ETV4: variants seen among roughly 807,000 people sequenced by gnomAD.
The protein encoded by ETV4 is ETS variant transcription factor 4, also known as ETS translocation variant 4.
ETV4 carries 42 observed loss-of-function variants against 65.9 expected under a neutral mutation model. That is an observed-to-expected ratio of 0.64 (90% CI 0.50 to 0.82). The LOEUF (loss-of-function observed/expected upper bound fraction) is 0.82. Among genes scored for constraint, ETV4 ranks in the 40% least tolerant of loss-of-function variants. The pLI, the probability that ETV4 is intolerant of heterozygous loss-of-function variation, is 0.00. For synonymous variants in ETV4, 238 were observed against 260.0 expected (o/e 0.92, Z 0.81); for missense variants, 583 against 630.3 (o/e 0.92, Z 0.80).
intron 4 of ETV4, among the ~76,000 whole-genome samples, chr17:43,541,013 T>C (rs1246816843): frequency 6.6e-6 from 1 of 152,106 alleles, no homozygotes; most frequent in Non-Finnish European, 1.5e-5. Context: ...ACCCTCAGCA[T>C]CATCTTGCCT....
chr17:43,529,547 C>G lies in ETV4; in HGVS notation c.1085G>C (p.Trp362Ser). ...DDPTNAHFIA[W>S]TGRGMEFKLI... The stretch of plus-strand genomic sequence containing the variant: ...CTTGAACTCCATTCCCCGGCCCGTC[C>G]AGGCAATGAAATGGGCATTTGTTGG... Residue 362 changes from tryptophan (W) to serine (S), a missense_variant, in exon 11 of 13, where the codon TGG becomes TCG. Coordinates refer to ENST00000319349, the MANE Select transcript of ETV4 (RefSeq NM_001079675.5). 6.2e-7 allele frequency: 1 copy of G among 1,614,016 alleles called. No homozygotes were observed. The highest frequency in any genetic ancestry group is 8.5e-7 in the Non-Finnish European group (1 of 1,179,992).
At chr17:43,533,710 C>G (rs755273382) in intron 6 of ETV4, 149 bp downstream of exon 6, 2 of 1,020,496 alleles carry the variant, frequency 2.0e-6, no homozygotes, top group Non-Finnish European at 2.8e-6. Context: ...AGAGGAAATC[C>G]TTAGCTGTAT....
chr17:43,530,396 G>C, intron 8 of ETV4: 1 of 1,431,426 alleles, frequency 7.0e-7, no homozygotes, highest in Non-Finnish European at 9.1e-7. Flanking sequence ...TGAGGGCTGC[G>C]GCTGAGGCCA....
chr17:43,529,862 C>A (rs1393545390), intron 10 of ETV4, 22 bp downstream of exon 10: 1 of 1,613,500 alleles, frequency 6.2e-7, no homozygotes, highest in Non-Finnish European at 8.5e-7. Flanking sequence ...TTGACCCTCC[C>A]ATCAACAGTC....
chr17:43,530,941 CCATT>C (rs1027523745), intron 8 of ETV4, among the ~76,000 whole-genome samples: 36 of 152,228 alleles, frequency 2.4e-4, no homozygotes, highest in African/African-American at 7.7e-4. Flanking sequence ...ATTCCTGACT[CCATT>C]CAGGAGTAGC....
Position 43,528,287 on chromosome 17 carries a change from A to T in ETV4, c.*232T>A. 2.2e-6 allele frequency: 1 copy of T among 453,278 alleles called. No individual in the cohort carries two copies. The highest frequency in any genetic ancestry group is 3.9e-6 in the Non-Finnish European group (1 of 255,888). 28.1% of individuals were successfully genotyped at this position (453,278 alleles called of 1,614,324 possible). A position where few individuals can be genotyped will look rare whatever the true frequency, so the allele number is the denominator to read the frequency against. ...GCTGAGCTGAATTCCTCCAGGGCCCAGGTGAAACCCCCAGGGGAGTTTCTG... is the reference window on the plus strand; with the variant it reads ...GCTGAGCTGAATTCCTCCAGGGCCCTGGTGAAACCCCCAGGGGAGTTTCTG... On this transcript the variant is annotated 3_prime_UTR_variant, in exon 13 of 13. Coordinates refer to ENST00000319349, the MANE Select transcript of ETV4 (RefSeq NM_001079675.5).
chr17:43,542,887 G>A (rs1450861464), intron 4 of ETV4, among the ~76,000 whole-genome samples: 1 of 152,096 alleles, frequency 6.6e-6, no homozygotes, highest in Non-Finnish European at 1.5e-5. Flanking sequence ...TCCTCCTAAT[G>A]CGTCCCACCA....
At position 43,545,614 on chromosome 17, in the gene ETV4, C is replaced by T. The variant is rs1237593688; in HGVS notation, c.4G>A (p.Glu2Lys). The stretch of plus-strand genomic sequence containing the variant: ...AAGTATCCGGCTTTCATCCTCCGCT[C>T]CATCCGGCCGCTCCCTCCGGCCGCA... The part of the protein sequence containing the change: M[E>K]RRMKAGYLDQ... The change falls in exon 2 of 13, where the codon GAG becomes AAG. Residue 2 changes from glutamate to lysine, a missense_variant. Transcript: ENST00000319349. 1.3e-6 allele frequency: 2 copies of T among 1,550,916 alleles called. No individual in the cohort carries two copies. The highest frequency in any genetic ancestry group is 1.7e-6 in the Non-Finnish European group (2 of 1,146,974).
rs1369879565 is a variant in ETV4, at chr17:43,528,633, AG to A, written c.1340del (p.Pro447LeufsTer58). 6.2e-7 allele frequency: 1 copy of A among 1,614,184 alleles called. No individual in the cohort carries two copies. On this transcript the variant is annotated frameshift_variant, in exon 13 of 13. Coordinates refer to ENST00000319349, the MANE Select transcript of ETV4 (RefSeq NM_001079675.5). LOFTEE classifies it high-confidence loss of function. ...AAGGGACTGTGTCCTCCTCACTGAC[AG>A]GCCGGTCAAACTCAGCCTTGAGAGC... is the stretch of plus-strand genomic sequence containing the variant. ...RPALKAEFDR[P>X]VSEEDTVPLS...
chr17:43,533,037 G>C, intron 7 of ETV4, 98 bp from the exon 8 acceptor site: 9 of 1,496,502 alleles, frequency 6.0e-6, no homozygotes, highest in Non-Finnish European at 8.1e-6. Flanking sequence ...CTCCGGAATG[G>C]GGGGTAGGGG....
Position 43,540,039 on chromosome 17 carries a change from C to G in ETV4, c.203-3560G>C, listed in dbSNP as rs114309292. On this transcript the variant is annotated intron_variant, in intron 4 of 12. Coordinates refer to ENST00000319349, the MANE Select transcript of ETV4 (RefSeq NM_001079675.5). ...CAAAGACATCAATGAGACATGAAAT[C>G]CGCTGGCAAGAACAAACAGAAACAC... Among the ~76,000 whole-genome samples the G allele has an allele frequency of 1.7e-3, 257 of 152,282 alleles. 2 individuals carry two copies. The highest frequency in any genetic ancestry group is 5.9e-3 in the African/African-American group (246 of 41,554).
intron 5 of ETV4, among the ~76,000 whole-genome samples, chr17:43,536,020 A>G (rs1214770119): frequency 6.6e-6 from 1 of 152,216 alleles, no homozygotes; most frequent in Non-Finnish European, 1.5e-5. Flanking sequence ...CTGAGGCAGG[A>G]GAATGGCTTA....
At chr17:43,529,403 G>T in intron 11 of ETV4, 101 bp downstream of exon 11, 1 of 1,465,586 alleles carries the variant, frequency 6.8e-7, no homozygotes, top group Non-Finnish European at 9.3e-7. Flanking sequence ...GTTAGGTAAA[G>T]CAAGAATCAT....
intron 4 of ETV4, among the ~76,000 whole-genome samples, chr17:43,538,681 T>C (rs958516659): frequency 6.6e-6 from 1 of 152,082 alleles, no homozygotes; most frequent in Non-Finnish European, 1.5e-5. Flanking sequence ...CTTTTGCCCC[T>C]CTCTCAAAAA....
chr17:43,530,451 A>T (rs1970854453), intron 8 of ETV4: 4 of 1,357,828 alleles, frequency 2.9e-6, no homozygotes, highest in Admixed American at 3.3e-5. Flanking sequence ...TGAAGGGCCC[A>T]AGCTGCCAGG....
At chr17:43,538,942 C>T (rs958586290) in intron 4 of ETV4, among the ~76,000 whole-genome samples, 3 of 152,124 alleles carry the variant, frequency 2.0e-5, no homozygotes, top group African/African-American at 7.2e-5. Flanking sequence ...CTCCACACCC[C>T]CGGCCTATAC....
intron 5 of ETV4, among the ~76,000 whole-genome samples, chr17:43,535,095 C>A (rs1971167982): frequency 6.6e-6 from 1 of 152,204 alleles, no homozygotes. Flanking sequence ...CAAACTCTGG[C>A]CACGAGGCTG....
rs1970830614 is a variant in ETV4 at position 43,530,128 on chromosome 17, A to G, written c.865T>C (p.Ser289Pro). The change falls in exon 9 of 13, where the codon TCT becomes CCT. Residue 289 changes from serine (S) to proline (P), a missense_variant. Transcript: ENST00000319349. ...TTACCCATGGCCCCGTCACCTGGAG[A>G]GGGCCCAGAGAAGCCCTCTGTGTGG... ...YLHTEGFSGP[S>P]PGDGAMGYGY... is the part of the protein sequence containing the mutation. 6.3e-7 allele frequency: 1 copy of G among 1,574,810 alleles called. No homozygotes were observed. The highest frequency in any genetic ancestry group is 1.4e-5 in the African/African-American group (1 of 73,704).
At chr17:43,530,530 G>C (rs906917480) in intron 8 of ETV4, 20 of 924,756 alleles carry the variant, frequency 2.2e-5, no homozygotes, top group Non-Finnish European at 2.9e-5. Flanking sequence ...AAAGAGTTCG[G>C]TGTCCACGCC....
Sources: gnomAD v4.1 joint callset for allele counts (sites outside exome capture counted in the v4.1 genomes callset) on GRCh38, gnomAD v4.1.1 for gene constraint, MANE v1.5 for transcripts, NCBI Gene and HGNC (gene_info 2026-07-23, HGNC 2026-07-21) for gene names.